Variants in DDX10 observed in about 807,000 individuals in gnomAD.
DDX10 encodes DEAD-box helicase 10.
A neutral mutation model predicts 104.3 loss-of-function variants in DDX10; 74 were observed. The ratio of observed to expected loss-of-function variants is 0.71; its 90% CI spans 0.59 to 0.86. The LOEUF is 0.86. DDX10 is among the 40% of genes least tolerant of loss of function. DDX10 has a pLI of 0.00. For missense variants in DDX10, 952 were observed against 1,040.0 expected, an observed-to-expected ratio of 0.92 and a Z score of 1.16; for synonymous variants, 351 against 353.4, an observed-to-expected ratio of 0.99 and a Z score of 0.08.
chr11:108,883,126 C>A (rs1863249056), intron 16 of DDX10, among the ~76,000 whole-genome samples: 1 of 152,096 alleles, frequency 6.6e-6, no homozygotes, highest in Non-Finnish European at 1.5e-5. Context: ...TTCACTAAAA[C>A]TTGAGATGAG....
At chr11:108,680,232 C>T (rs567708308) in intron 6 of DDX10, among the ~76,000 whole-genome samples, 39 of 151,996 alleles carry the variant, frequency 2.6e-4, no homozygotes, top group Non-Finnish European at 4.6e-4. Context: ...CTCTTTTTTT[C>T]GAGACAGGGT....
chr11:108,825,081 G>T (rs986403320), intron 13 of DDX10, among the ~76,000 whole-genome samples: 1 of 152,140 alleles, frequency 6.6e-6, no homozygotes, highest in East Asian at 1.9e-4. Context: ...GTGAAGAACA[G>T]AAATTTACAT....
At chr11:108,745,830 G>C (rs1315758373) in intron 13 of DDX10, among the ~76,000 whole-genome samples, 1 of 152,142 alleles carries the variant, frequency 6.6e-6, no homozygotes, top group Non-Finnish European at 1.5e-5. Context: ...CATAGGGTTA[G>C]ATATGTTGAA....
chr11:108,894,632 C>G (rs1170495643), intron 16 of DDX10, among the ~76,000 whole-genome samples: 1 of 151,944 alleles, frequency 6.6e-6, no homozygotes, highest in Non-Finnish European at 1.5e-5. Flanking sequence ...GCCGAAGTGT[C>G]ATGGGAAAAT....
chr11:108,873,042 ATGGGCATAAT>A (rs949599443), intron 16 of DDX10, among the ~76,000 whole-genome samples: 1 of 152,210 alleles, frequency 6.6e-6, no homozygotes, highest in African/African-American at 2.4e-5. Context: ...AATAAACATC[ATGGGCATAAT>A]TCATATTTAA....
intron 16 of DDX10, among the ~76,000 whole-genome samples, chr11:108,858,920 T>A (rs1862905817): frequency 6.6e-6 from 1 of 152,216 alleles, no homozygotes; most frequent in Non-Finnish European, 1.5e-5. Context: ...CCCATGGAAG[T>A]TGTGACTTCA....
intron 17 of DDX10, among the ~76,000 whole-genome samples, chr11:108,927,023 T>C (rs558707689): frequency 7.2e-5 from 11 of 152,328 alleles, no homozygotes; most frequent in African/African-American, 2.6e-4. Flanking sequence ...TAGCAGCATG[T>C]TGTAAAAGGA....
chr11:108,725,502 C>T (rs893148783), intron 13 of DDX10, among the ~76,000 whole-genome samples: 1 of 152,036 alleles, frequency 6.6e-6, no homozygotes, highest in Non-Finnish European at 1.5e-5. Flanking sequence ...TTAATTTTAG[C>T]CATTCTAGTA....
intron 13 of DDX10, among the ~76,000 whole-genome samples, chr11:108,834,517 G>A (rs1488421099): frequency 2.0e-5 from 3 of 152,082 alleles, no homozygotes; most frequent in Non-Finnish European, 4.4e-5. Context: ...AACTTATCAA[G>A]ATCTAGACCA....
chr11:108,706,663 A>T, intron 9 of DDX10, 76 bp from the exon 10 acceptor site: 1 of 1,124,658 alleles, frequency 8.9e-7, no homozygotes, highest in Non-Finnish European at 1.3e-6. Context: ...TTCCATGTTT[A>T]CCTATGCATC....
At chr11:108,891,598 TC>T (rs1305412238) in intron 16 of DDX10, among the ~76,000 whole-genome samples, 1 of 152,180 alleles carries the variant, frequency 6.6e-6, no homozygotes, top group African/African-American at 2.4e-5. Flanking sequence ...TTCTGCACTT[TC>T]TTGCCTCAAA....
Position 108,719,905 on chromosome 11 carries a change from T to G in DDX10, c.1499+20T>G. On this transcript the variant is annotated intron_variant, in intron 12 of 17. Coordinates refer to ENST00000322536, the MANE Select transcript of DDX10 (RefSeq NM_004398.4). Reference sequence around the variant, plus strand: ...TGCCCTGTAAGTATTCATAATATAGTTGTAATAGTGAATCCTCAAGGTTAG... The same window carrying G: ...TGCCCTGTAAGTATTCATAATATAGGTGTAATAGTGAATCCTCAAGGTTAG... The G allele has an allele frequency of 7.5e-7, 1 of 1,327,734 alleles. No individual in the cohort carries two copies. Among genetic ancestry groups the G allele is most frequent in the South Asian group, 1.2e-5 (1 of 84,822 alleles). The allele number at this position is 1,327,734 out of a possible 1,614,324, so 82.2% of individuals were successfully genotyped here. A position where few individuals can be genotyped will look rare whatever the true frequency, so the allele number is the denominator to read the frequency against.
intron 17 of DDX10, among the ~76,000 whole-genome samples, chr11:108,938,858 C>A (rs10502105): frequency 0.17 from 25,358 of 152,090 alleles, 2,329 homozygotes; most frequent in East Asian, 0.27. Flanking sequence ...GAGGCACATT[C>A]ACTTTGATAT....
rs554931003 is a variant in DDX10, at chr11:108,914,409, GC to G, written c.2305-3462del. On this transcript the variant is annotated intron_variant, in intron 16 of 17. Coordinates refer to ENST00000322536, the MANE Select transcript of DDX10 (RefSeq NM_004398.4). ...CCACAGAGAGGGTAAGCCTACCTCT[GC>G]CTGAATTCTTGGCTAAGTACCACAT... Among the ~76,000 whole-genome samples the G allele has an allele frequency of 3.2e-3, 490 of 152,272 alleles. 1 individual carries two copies. The highest frequency in any genetic ancestry group is 0.011 in the African/African-American group (460 of 41,548).
At chr11:108,771,867 T>C (rs2094363620) in intron 13 of DDX10, among the ~76,000 whole-genome samples, 1 of 152,202 alleles carries the variant, frequency 6.6e-6, no homozygotes, top group African/African-American at 2.4e-5. Context: ...TGATCCATCA[T>C]GGTCAGTAGT....
chr11:108,750,473 C>T (rs1419769419), intron 13 of DDX10, among the ~76,000 whole-genome samples: 2 of 151,988 alleles, frequency 1.3e-5, no homozygotes, highest in African/African-American at 4.8e-5. Context: ...ATCAATTTCC[C>T]TTTTGTACAG....
chr11:108,708,282 A>G (rs1359007414), intron 10 of DDX10, among the ~76,000 whole-genome samples: 2 of 141,032 alleles, frequency 1.4e-5, no homozygotes, highest in African/African-American at 5.1e-5. Flanking sequence ...TTAAAATCTG[A>G]TGAGATCATG....
At chr11:108,802,787 A>G (rs1055534628) in intron 13 of DDX10, among the ~76,000 whole-genome samples, 1 of 152,188 alleles carries the variant, frequency 6.6e-6, no homozygotes, top group Non-Finnish European at 1.5e-5. Context: ...TTGAATGAGA[A>G]TGTCCTAATG....
Position 108,854,826 on chromosome 11 carries a change from A to G in DDX10, c.2304+2617A>G, listed in dbSNP as rs561767680. Reference sequence around the variant, plus strand: ...AAACTTAATGATAATGTGAATTTTCAATTTTAGAAATGAATCTTCTCTGGC... The same window carrying G: ...AAACTTAATGATAATGTGAATTTTCGATTTTAGAAATGAATCTTCTCTGGC... On this transcript the variant is annotated intron_variant, in intron 16 of 17. Transcript: ENST00000322536. Among the ~76,000 whole-genome samples the G allele has an allele frequency of 2.0e-5, 3 of 152,304 alleles. No homozygotes were observed. The East Asian group carries it at 5.8e-4, about 29-fold the overall frequency.
Sources: allele counts gnomAD v4.1 joint callset (sites outside exome capture counted in the v4.1 genomes callset), GRCh38; gene constraint gnomAD v4.1.1; transcripts MANE v1.5; gene names NCBI Gene and HGNC (gene_info 2026-07-23, HGNC 2026-07-21).